MGAT5: variants seen among roughly 807,000 people sequenced by gnomAD.
The protein encoded by MGAT5 is alpha-1,6-mannosylglycoprotein 6-beta-N-acetylglucosaminyltransferase A.
Under a neutral mutation model 94.3 loss-of-function variants are expected in MGAT5, and 30 were observed. The observed-to-expected ratio is 0.32, with a 90% CI of 0.24 to 0.43. The LOEUF (loss-of-function observed/expected upper bound fraction) is 0.43. Among genes scored for constraint, MGAT5 ranks in the 20% least tolerant of loss-of-function variants. MGAT5 has a pLI of 1.00. For synonymous variants in MGAT5, 310 were observed against 322.9 expected (o/e 0.96, Z 0.43); for missense variants, 691 against 905.5 (o/e 0.76, Z 3.04).
At chr2:134,149,251 G>T (rs1014106643) in intron 1 of MGAT5, among the ~76,000 whole-genome samples, 2 of 152,174 alleles carry the variant, frequency 1.3e-5, no homozygotes, top group African/African-American at 4.8e-5. Flanking sequence ...GTTAGGTGGA[G>T]ATAAAGAAAG....
chr2:134,283,443 G>C (rs1427358464), intron 2 of MGAT5, among the ~76,000 whole-genome samples: 1 of 152,074 alleles, frequency 6.6e-6, no homozygotes, highest in Non-Finnish European at 1.5e-5. Context: ...TATGTTAGAG[G>C]CACCAAATGG....
chr2:134,270,660 A>G (rs2105635985), intron 2 of MGAT5, 110 bp downstream of exon 2: 2 of 1,115,706 alleles, frequency 1.8e-6, no homozygotes, highest in South Asian at 1.8e-5. Context: ...TATAAATTCT[A>G]TAAACTTGGC....
chr2:134,231,074 T>C (rs1573571098), intron 1 of MGAT5: 1 of 152,166 alleles, frequency 6.6e-6, no homozygotes, highest in South Asian at 2.1e-4. Flanking sequence ...GGCATATCTA[T>C]AGAGACACCA....
intron 1 of MGAT5, among the ~76,000 whole-genome samples, chr2:134,176,343 TG>T (rs34376541): frequency 0.37 from 55,780 of 151,424 alleles, 11,995 homozygotes; most frequent in African/African-American, 0.59. Context: ...GAGGCCGGGG[TG>T]GGGTGGATTG....
intron 1 of MGAT5, among the ~76,000 whole-genome samples, chr2:134,170,397 C>CT (rs1423892818): frequency 2.6e-5 from 4 of 152,170 alleles, no homozygotes; most frequent in African/African-American, 9.7e-5. Flanking sequence ...TGAGCCCAGA[C>CT]TGTTTCATAG....
At chr2:134,142,248 G>A (rs914197427) in intron 1 of MGAT5, among the ~76,000 whole-genome samples, 1 of 152,174 alleles carries the variant, frequency 6.6e-6, no homozygotes, top group Non-Finnish European at 1.5e-5. Context: ...CATTGATGGT[G>A]GTTAAAGTCA....
chr2:134,445,341 G>A (rs1685711414), intron 15 of MGAT5, among the ~76,000 whole-genome samples: 1 of 152,070 alleles, frequency 6.6e-6, no homozygotes, highest in African/African-American at 2.4e-5. Context: ...TGCACTCAGA[G>A]CAGCCCAGTG....
Position 134,325,042 on chromosome 2 carries a change from G to T in MGAT5, c.573+6303G>T, listed in dbSNP as rs181153604. On this transcript the variant is annotated intron_variant, in intron 4 of 15. Transcript: ENST00000281923. ...AAAAAAATCCTGAGTTTACAGAACAGTATTTGTTAGTCAGCCTAACTGATC... is the reference window on the plus strand; with the variant it reads ...AAAAAAATCCTGAGTTTACAGAACATTATTTGTTAGTCAGCCTAACTGATC... 3.3e-5 allele frequency among the ~76,000 whole-genome samples: 5 copies of T among 151,466 alleles called. No homozygotes were observed. The East Asian group carries it at 9.7e-4, about 29-fold the overall frequency.
At chr2:134,134,781 T>C (rs1421564042) in intron 1 of MGAT5, among the ~76,000 whole-genome samples, 1 of 152,218 alleles carries the variant, frequency 6.6e-6, no homozygotes, top group East Asian at 1.9e-4. Context: ...ACATCTGTAA[T>C]GGGTAGCACA....
intron 1 of MGAT5, among the ~76,000 whole-genome samples, chr2:134,264,690 T>C (rs763624628): frequency 1.3e-5 from 2 of 152,188 alleles, no homozygotes; most frequent in African/African-American, 2.4e-5. Flanking sequence ...TAAAAATATA[T>C]AATTGATGAA....
chr2:134,308,280 G>T (rs1686449695), intron 2 of MGAT5, among the ~76,000 whole-genome samples: 1 of 152,054 alleles, frequency 6.6e-6, no homozygotes, highest in South Asian at 2.1e-4. Flanking sequence ...GTTACTTAAG[G>T]TTTAAACTAA....
At chr2:134,231,863 G>T (rs1264470382) in intron 1 of MGAT5, among the ~76,000 whole-genome samples, 3 of 152,154 alleles carry the variant, frequency 2.0e-5, no homozygotes, top group Non-Finnish European at 1.5e-5. Context: ...CGAGTTGTCT[G>T]TCCCCTGGTA....
intron 1 of MGAT5, among the ~76,000 whole-genome samples, chr2:134,242,874 G>T (rs1303935498): frequency 1.3e-5 from 2 of 152,168 alleles, no homozygotes; most frequent in Non-Finnish European, 2.9e-5. Context: ...TCCTTCCATA[G>T]TGTGGGATGA....
rs75833410 is a variant in MGAT5 at position 134,380,756 on chromosome 2, T to C, written c.1380+18348T>C. Among the ~76,000 whole-genome samples the C allele has an allele frequency of 4.7e-3, 714 of 152,336 alleles. 8 individuals carry two copies. The highest frequency in any genetic ancestry group is 0.016 in the African/African-American group (685 of 41,576). ...CTTATTTCTGCCCACCCAAGCCAAG[T>C]TGGTTATATTCAATTTGTAACTTAA... is the stretch of plus-strand genomic sequence containing the variant. On this transcript the variant is annotated intron_variant, in intron 10 of 15. Coordinates refer to ENST00000281923, the MANE Select transcript of MGAT5 (RefSeq NM_002410.5).
intron 1 of MGAT5, among the ~76,000 whole-genome samples, chr2:134,152,848 C>G (rs1348156331): frequency 1.3e-5 from 2 of 150,222 alleles, no homozygotes; most frequent in African/African-American, 4.9e-5. Flanking sequence ...TCCAAAGGAA[C>G]TTGTCAAAAG....
intron 10 of MGAT5, among the ~76,000 whole-genome samples, chr2:134,381,218 G>T (rs971231281): frequency 2.0e-5 from 3 of 152,050 alleles, no homozygotes; most frequent in African/African-American, 7.2e-5. Context: ...AGAAGATGAG[G>T]TAAGAGGATT....
chr2:134,231,406 C>G (rs1004188613), intron 1 of MGAT5: 1 of 152,118 alleles, frequency 6.6e-6, no homozygotes, highest in African/African-American at 2.4e-5. Flanking sequence ...TAAACTGTTA[C>G]AAAAAGGGTT....
intron 2 of MGAT5, among the ~76,000 whole-genome samples, chr2:134,311,397 A>G (rs1050305189): frequency 6.6e-6 from 1 of 152,184 alleles, no homozygotes; most frequent in Non-Finnish European, 1.5e-5. Context: ...GTGTCATCTC[A>G]AACAACACCT....
At chr2:134,354,069 T>A (rs1397569138) in intron 9 of MGAT5, among the ~76,000 whole-genome samples, 1 of 152,188 alleles carries the variant, frequency 6.6e-6, no homozygotes, top group Non-Finnish European at 1.5e-5. Flanking sequence ...TGTGGCTATT[T>A]TAGTGGTCTG....
Sources: gnomAD v4.1 joint callset for allele counts (sites outside exome capture counted in the v4.1 genomes callset) on GRCh38, gnomAD v4.1.1 for gene constraint, MANE v1.5 for transcripts, NCBI Gene and HGNC (gene_info 2026-07-23, HGNC 2026-07-21) for gene names.